UGT2A2: variants seen among roughly 807,000 people sequenced by gnomAD.
UGT2A2 encodes UDP-glucuronosyltransferase 2A2.
UGT2A2 carries 60 observed loss-of-function variants against 50.7 expected under a neutral mutation model. The ratio of observed to expected loss-of-function variants is 1.18; its 90% CI spans 0.96 to 1.47. The LOEUF is 1.47. Among genes scored for constraint, UGT2A2 ranks in the 40% most tolerant of loss-of-function variants. UGT2A2 has a pLI of 0.00. For synonymous variants in UGT2A2, 242 were observed against 214.6 expected (o/e 1.13, Z -1.11); for missense variants, 762 against 634.0 (o/e 1.20, Z -2.17).
In UGT2A2 at chr4:69,628,691, T is replaced by C. The variant is rs80052018; in HGVS notation, c.742+10208A>G. On this transcript the variant is annotated intron_variant, in intron 1 of 5. Transcript: ENST00000604629. ...CATAAGCTTAAATGGGAGAAAAAAA[T>C]AAAAGCATTTTCTTTAAAAGCAAAT... 8.4e-4 allele frequency among the ~76,000 whole-genome samples: 125 copies of C among 148,962 alleles called. 2 individuals carry two copies. The East Asian group carries it at 0.02, about 24-fold the overall frequency.
intron 1 of UGT2A2, among the ~76,000 whole-genome samples, chr4:69,634,306 T>A (rs1560490807): frequency 6.6e-6 from 1 of 151,662 alleles, no homozygotes; most frequent in African/African-American, 2.4e-5. Context: ...ACAACACTGA[T>A]CACAGGAAAG....
chr4:69,607,787 G>A (rs1387184261), intron 1 of UGT2A2, among the ~76,000 whole-genome samples: 1 of 152,176 alleles, frequency 6.6e-6, no homozygotes, highest in Non-Finnish European at 1.5e-5. Flanking sequence ...CTCAAAAGAA[G>A]ACATTTATGC....
intron 1 of UGT2A2, among the ~76,000 whole-genome samples, chr4:69,631,736 A>C (rs1457523574): frequency 6.6e-6 from 1 of 152,184 alleles, no homozygotes; most frequent in East Asian, 1.9e-4. Flanking sequence ...TAGCCACTAC[A>C]TCAGGGTATT....
Position 69,639,027 on chromosome 4 carries a change from G to T in UGT2A2, c.614C>A (p.Ala205Asp). 2 of 1,613,218 alleles carry T rather than the reference G, an allele frequency of 1.2e-6. No individual in the cohort carries two copies. The highest frequency in any genetic ancestry group is 1.1e-5 in the South Asian group (1 of 91,006). The change falls in exon 1 of 6, where the codon GCC (alanine) becomes GAC (aspartate). Residue 205 changes from alanine (A) to aspartate (D), a missense_variant. Physicochemically the swap from Ala to Asp is moderately radical, Grantham distance 126 (BLOSUM62 -2). Transcript: ENST00000604629. ...IPAPVSYVPA[A>D]LSELTDQMTF... ...CATCTGGTCAGTGAGCTCTGATAAG[G>T]CTGCCGGTACATAGGAGACTGGTGC...
At chr4:69,601,092 T>G (rs1432313) in intron 1 of UGT2A2, among the ~76,000 whole-genome samples, 38,732 of 152,050 alleles carry the variant, frequency 0.25, 5,422 homozygotes, top group African/African-American at 0.37. Flanking sequence ...ACTGCAAATG[T>G]GAGAACTGCC....
intron 1 of UGT2A2, among the ~76,000 whole-genome samples, chr4:69,629,224 G>A (rs186100521): frequency 1.1e-3 from 172 of 152,120 alleles, no homozygotes; most frequent in African/African-American, 4.1e-3. Context: ...AGGGAGCCAG[G>A]TAATACAGTC....
chr4:69,627,538 GAGAGAGAGAA>G lies in UGT2A2; in HGVS notation c.742+11351_742+11360del, dbSNP rs775567788. 1.3e-3 allele frequency among the ~76,000 whole-genome samples: 158 copies of G among 125,784 alleles called. 1 individual carries two copies. Among genetic ancestry groups the G allele is most frequent in the Non-Finnish European group, 1.2e-3 (67 of 56,966 alleles). The allele number at this position is 125,784 out of a possible 152,430, so 82.5% of individuals were successfully genotyped here. ...GAAAGAAAGAAGAAAGAAAGAAAGAGAGAGAGAGAAAGAGAGAGAGAGAGAGAGAAAGAAA... is the reference window on the plus strand; with the variant it reads ...GAAAGAAAGAAGAAAGAAAGAAAGAGAGAGAGAGAGAGAGAGAGAAAGAAA... On this transcript the variant is annotated intron_variant, in intron 1 of 5. Coordinates refer to ENST00000604629, the MANE Select transcript of UGT2A2 (RefSeq NM_001105677.2).
rs758807522 is a variant in UGT2A2 at position 69,604,487 on chromosome 4, C to T, written c.743-5093G>A. ...AAACATGCCACATTGTACAGACCATCGAGGCTAGGAAGAAACTGCATCAAC... is the reference window on the plus strand; with the variant it reads ...AAACATGCCACATTGTACAGACCATTGAGGCTAGGAAGAAACTGCATCAAC... On this transcript the variant is annotated intron_variant, in intron 1 of 5. Coordinates refer to ENST00000604629, the MANE Select transcript of UGT2A2 (RefSeq NM_001105677.2). Among the ~76,000 whole-genome samples, 217 of 136,542 alleles carry T rather than the reference C, an allele frequency of 1.6e-3. 35 individuals are homozygous for T. The highest frequency in any genetic ancestry group is 7.8e-3 in the Middle Eastern group (2 of 256). The allele number at this position is 136,542 out of a possible 152,430, so 89.6% of individuals were successfully genotyped here.
At chr4:69,634,447 TACA>T (rs1475208938) in intron 1 of UGT2A2, among the ~76,000 whole-genome samples, 1 of 151,900 alleles carries the variant, frequency 6.6e-6, no homozygotes, top group East Asian at 1.9e-4. Flanking sequence ...AAGCAATAAA[TACA>T]ACACTGGGCC....
At chr4:69,621,585 C>T (rs58542357) in intron 1 of UGT2A2, among the ~76,000 whole-genome samples, 9,328 of 151,828 alleles carry the variant, frequency 0.061, 304 homozygotes, top group African/African-American at 0.076. Flanking sequence ...TTGTGGAAAG[C>T]AGTGTGGTGA....
chr4:69,614,006 G>T (rs577960532), intron 1 of UGT2A2, among the ~76,000 whole-genome samples: 4 of 151,924 alleles, frequency 2.6e-5, no homozygotes, highest in Non-Finnish European at 4.4e-5. Flanking sequence ...GAAGTAAAGG[G>T]CATTCAAATT....
At chr4:69,613,927 T>C (rs763885816) in intron 1 of UGT2A2, among the ~76,000 whole-genome samples, 2 of 152,050 alleles carry the variant, frequency 1.3e-5, no homozygotes, top group Non-Finnish European at 2.9e-5. Flanking sequence ...AAGAGTAGGA[T>C]ATGTGCTTTC....
intron 5 of UGT2A2, among the ~76,000 whole-genome samples, chr4:69,591,319 T>G (rs1050905276): frequency 6.6e-5 from 10 of 152,246 alleles, no homozygotes; most frequent in Admixed American, 1.3e-4. Flanking sequence ...AGAAATACAT[T>G]GGTTTGGTTT....
chr4:69,614,113 AAACC>A (rs779204339), intron 1 of UGT2A2, among the ~76,000 whole-genome samples: 38,056 of 151,748 alleles, frequency 0.25, 5,148 homozygotes, highest in African/African-American at 0.35. Context: ...TTAAGCTGAT[AAACC>A]CATTCAGTAG....
chr4:69,593,967 C>CTTTTTTTTTTTTTTTTTTTTTTTTT lies in UGT2A2; in HGVS notation c.1331+509_1331+510insAAAAAAAAAAAAAAAAAAAAAAAAA, dbSNP rs200066453. Reference sequence around the variant, plus strand: ...AAAATATTGAAATAATATTTGAAGTCTTTTTTTTTGTTTGTTTTTTTTTTT... The same window carrying CTTTTTTTTTTTTTTTTTTTTTTTTT: ...AAAATATTGAAATAATATTTGAAGTCTTTTTTTTTTTTTTTTTTTTTTTTTTTTTTTTTTGTTTGTTTTTTTTTTT... On this transcript the variant is annotated intron_variant, in intron 5 of 5. Transcript: ENST00000604629. Among the ~76,000 whole-genome samples the CTTTTTTTTTTTTTTTTTTTTTTTTT allele has an allele frequency of 7.4e-5, 8 of 107,818 alleles. 2 individuals are homozygous for CTTTTTTTTTTTTTTTTTTTTTTTTT. The highest frequency in any genetic ancestry group is 1.4e-4 in the African/African-American group (4 of 28,582). 70.7% of individuals were successfully genotyped at this position (107,818 alleles called of 152,430 possible). A position where few individuals can be genotyped will look rare whatever the true frequency, so the allele number is the denominator to read the frequency against.
At chr4:69,589,901 T>C (rs1314596777) in intron 5 of UGT2A2, among the ~76,000 whole-genome samples, 1 of 152,174 alleles carries the variant, frequency 6.6e-6, no homozygotes, top group East Asian at 1.9e-4. Context: ...CAGTTGTAAA[T>C]ATAGATGTTT....
At chr4:69,636,394 G>A (rs1169444145) in intron 1 of UGT2A2, among the ~76,000 whole-genome samples, 2 of 152,090 alleles carry the variant, frequency 1.3e-5, no homozygotes, top group Non-Finnish European at 2.9e-5. Flanking sequence ...GTTCTTCACA[G>A]TATACCTTAA....
chr4:69,594,872 G>A (rs1247382667), intron 4 of UGT2A2, among the ~76,000 whole-genome samples, 176 bp from the exon 5 acceptor site: 2 of 152,140 alleles, frequency 1.3e-5, no homozygotes, highest in African/African-American at 2.4e-5. Flanking sequence ...AGGAAAAGCA[G>A]TAATTAACAG....
intron 1 of UGT2A2, among the ~76,000 whole-genome samples, chr4:69,637,902 AGAAG>A (rs1721804450): frequency 6.6e-6 from 1 of 150,810 alleles, no homozygotes; most frequent in Non-Finnish European, 1.5e-5. Flanking sequence ...AAGGAAGGCA[AGAAG>A]GAAGGCAGGC....
Sources: allele counts gnomAD v4.1 joint callset (sites outside exome capture counted in the v4.1 genomes callset), GRCh38; gene constraint gnomAD v4.1.1; transcripts MANE v1.5; gene names NCBI Gene and HGNC (gene_info 2026-07-23, HGNC 2026-07-21).